PRPH2: variants seen among roughly 807,000 people sequenced by gnomAD.
The protein encoded by PRPH2 is peripherin-2.
PRPH2 carries 17 observed loss-of-function variants against 31.3 expected under a neutral mutation model. The ratio of observed to expected loss-of-function variants is 0.54; its 90% CI spans 0.37 to 0.81. PRPH2 has a LOEUF of 0.81. Ranked by LOEUF, PRPH2 falls within the 40% of genes least tolerant of loss-of-function variation. The probability of loss-of-function intolerance (pLI) is 0.00; values close to 1 mark genes in which losing one functional copy is unlikely to be tolerated. For synonymous variants in PRPH2, 165 were observed against 184.4 expected (o/e 0.89, Z 0.85); for missense variants, 430 against 439.7 (o/e 0.98, Z 0.20).
rs200301978 is a variant in PRPH2 at position 42,705,607 on chromosome 6, T to A, written c.582-996A>T. Among the ~76,000 whole-genome samples, 78 of 13,608 alleles carry A rather than the reference T, an allele frequency of 5.7e-3. 1 individual carries two copies. The highest frequency in any genetic ancestry group is 6.8e-3 in the Non-Finnish European group (50 of 7,350). The allele number at this position is 13,608 out of a possible 152,430, so 8.9% of individuals were successfully genotyped here. Reference sequence around the variant, plus strand: ...AAAAAAAAAAAAAAAAAAATATATATATATATATATATATATATATATATT... The same window carrying A: ...AAAAAAAAAAAAAAAAAAATATATAAATATATATATATATATATATATATT... On this transcript the variant is annotated intron_variant, in intron 1 of 2. Coordinates refer to ENST00000230381, the MANE Select transcript of PRPH2 (RefSeq NM_000322.5).
rs771015384 is a variant in PRPH2 at position 42,698,402 on chromosome 6, C to G, written c.934G>C (p.Val312Leu). 1.2e-6 allele frequency: 2 copies of G among 1,613,752 alleles called. No individual in the cohort carries two copies. The highest frequency in any genetic ancestry group is 1.3e-5 in the African/African-American group (1 of 74,930). The change falls in exon 3 of 3, where the codon GTG becomes CTG. Residue 312 changes from valine to leucine, a missense_variant. Transcript: ENST00000230381. ...ESQGWLLERS[V>L]PETWKAFLES... is the part of the protein sequence containing the mutation. Reference sequence around the variant, plus strand: ...AGAAAGGCCTTCCAGGTCTCCGGCACGCTCCTCTCCAGCAGCCAGCCCTGG... The same window carrying G: ...AGAAAGGCCTTCCAGGTCTCCGGCAGGCTCCTCTCCAGCAGCCAGCCCTGG...
In PRPH2 at chr6:42,696,787, A is replaced by C. The variant is rs904252106; in HGVS notation, c.*1508T>G. The C allele has an allele frequency of 2.6e-5, 4 of 151,924 alleles. 1 individual carries two copies. Among genetic ancestry groups the C allele is most frequent in the Admixed American group, 2.0e-4 (3 of 15,234 alleles). The allele number at this position is 151,924 out of a possible 1,614,324, so 9.4% of individuals were successfully genotyped here. A position where few individuals can be genotyped will look rare whatever the true frequency, so the allele number is the denominator to read the frequency against. The stretch of plus-strand genomic sequence containing the variant: ...TGGATCATTCCTTGGCCTCAACGAG[A>C]TTCAGAAATCTAATTAAACTTGGGA... On this transcript the variant is annotated 3_prime_UTR_variant, in exon 3 of 3. Coordinates refer to ENST00000230381, the MANE Select transcript of PRPH2 (RefSeq NM_000322.5).
intron 1 of PRPH2, among the ~76,000 whole-genome samples, chr6:42,705,434 T>TAG (rs947013702): frequency 5.7e-4 from 87 of 151,330 alleles, no homozygotes; most frequent in African/African-American, 2.0e-3. Context: ...TTAAGATCCG[T>TAG]GCATTTGGCT....
intron 1 of PRPH2, among the ~76,000 whole-genome samples, chr6:42,711,643 G>C (rs893817960): frequency 6.6e-6 from 1 of 152,258 alleles, no homozygotes; most frequent in Non-Finnish European, 1.5e-5. Context: ...ATTTGAAGGG[G>C]AGACACAGCT....
rs1033566735 is a variant in PRPH2, at chr6:42,699,708, G to A, written c.829-1201C>T. ...TCGAGACCAGCCTGGGCAACATAGC[G>A]AGACCTCATCTCTACTAAAAATAAA... On this transcript the variant is annotated intron_variant, in intron 2 of 2. Transcript: ENST00000230381. Among the ~76,000 whole-genome samples the A allele has an allele frequency of 5.9e-5, 9 of 152,242 alleles. No homozygotes were observed. In the South Asian group the frequency reaches 6.2e-4, roughly 11 times the overall value.
chr6:42,698,183 GA>G lies in PRPH2; in HGVS notation c.*111del. The stretch of plus-strand genomic sequence containing the variant: ...CCACCGTCAGGGAGAGTCTCTGTAA[GA>G]TGGTGCCCTCCTTGGGAGATTCAGA... On this transcript the variant is annotated 3_prime_UTR_variant, in exon 3 of 3. Transcript: ENST00000230381. 7.0e-7 allele frequency: 1 copy of G among 1,433,972 alleles called. No individual in the cohort carries two copies. Among genetic ancestry groups the G allele is most frequent in the South Asian group, 1.2e-5 (1 of 80,982 alleles). The allele number at this position is 1,433,972 out of a possible 1,614,324, so 88.8% of individuals were successfully genotyped here.
chr6:42,715,660 G>A (rs142255849), intron 1 of PRPH2, among the ~76,000 whole-genome samples: 5 of 152,260 alleles, frequency 3.3e-5, no homozygotes, highest in South Asian at 2.1e-4. Context: ...GACAGAGTGA[G>A]ACTCCATTTC....
In PRPH2 at chr6:42,721,883, A is replaced by G; in HGVS notation, c.452T>C (p.Phe151Ser). 1 of 1,614,184 alleles carries G rather than the reference A, an allele frequency of 6.2e-7. No homozygotes were observed. Among genetic ancestry groups the G allele is most frequent in the South Asian group, 1.1e-5 (1 of 91,072 alleles). The change falls in exon 1 of 3, where the codon TTC (phenylalanine) becomes TCC (serine). Residue 151 changes from phenylalanine to serine, a missense_variant. Phe to Ser is a radical substitution (Grantham distance 155). Coordinates refer to ENST00000230381, the MANE Select transcript of PRPH2 (RefSeq NM_000322.5). Reference protein sequence around the residue: ...YRDTDTPGRCFMKKTIDMLQI... With the variant: ...YRDTDTPGRCSMKKTIDMLQI... ...CAGCATGTCGATGGTCTTCTTCATG[A>G]AACACCTGCCAGGGGTGTCTGTGTC...
In PRPH2 at chr6:42,697,906, T is replaced by G; in HGVS notation, c.*389A>C. Reference sequence around the variant, plus strand: ...ATAGAGTGAAGCAACATGGAGCTCATAAGAGGTAAATTCTAAAAGGGGAGC... The same window carrying G: ...ATAGAGTGAAGCAACATGGAGCTCAGAAGAGGTAAATTCTAAAAGGGGAGC... On this transcript the variant is annotated 3_prime_UTR_variant, in exon 3 of 3. Transcript: ENST00000230381. 4.4e-6 allele frequency: 1 copy of G among 226,672 alleles called. No homozygotes were observed. Among genetic ancestry groups the G allele is most frequent in the Admixed American group, 5.1e-5 (1 of 19,538 alleles). The allele number at this position is 226,672 out of a possible 1,614,324, so 14.0% of individuals were successfully genotyped here.
Position 42,698,412 on chromosome 6 carries a change from C to G in PRPH2, c.924G>C (p.Leu308=), listed in dbSNP as rs775059514. 6 of 1,613,890 alleles carry G rather than the reference C, an allele frequency of 3.7e-6. No homozygotes were observed. The highest frequency in any genetic ancestry group is 5.1e-6 in the Non-Finnish European group (6 of 1,179,784). The change falls in exon 3 of 3, where the codon CTG becomes CTC. Residue 308 remains leucine, a synonymous_variant. Transcript: ENST00000230381. ...TCCAGGTCTCCGGCACGCTCCTCTC[C>G]AGCAGCCAGCCCTGGCTCTCGCTCT... is the stretch of plus-strand genomic sequence containing the variant. ...ESESESQGWL[L]ERSVPETWKA...
chr6:42,703,699 T>C (rs9471905), intron 2 of PRPH2, among the ~76,000 whole-genome samples: 45,757 of 152,040 alleles, frequency 0.3, 8,378 homozygotes, highest in African/African-American at 0.52. Flanking sequence ...TGAGATTTTC[T>C]TGGGGGCTGA....
chr6:42,698,360 GCTT>G lies in PRPH2; in HGVS notation c.973_975del (p.Lys325del), dbSNP rs1326239760. ...GCTTCCACCTGGTTGCCCTTGCCCAGCTTCTTCACACTCTCCAGAAAGGCCTTC... is the reference window on the plus strand; with the variant it reads ...GCTTCCACCTGGTTGCCCTTGCCCAGCTTCACACTCTCCAGAAAGGCCTTC... On this transcript the variant is annotated inframe_deletion, in exon 3 of 3. Transcript: ENST00000230381. 4.3e-6 allele frequency: 7 copies of G among 1,613,790 alleles called. No homozygotes were observed. The African/African-American group carries it at 6.7e-5, about 15-fold the overall frequency.
chr6:42,716,612 GTTTT>G (rs145765747), intron 1 of PRPH2, among the ~76,000 whole-genome samples: 1 of 111,564 alleles, frequency 9.0e-6, no homozygotes, highest in Admixed American at 1.0e-4. Context: ...GGTTTGGTTG[GTTTT>G]TTTTTTTTTT....
intron 1 of PRPH2, among the ~76,000 whole-genome samples, chr6:42,718,989 T>A (rs1446391468): frequency 6.6e-6 from 1 of 152,090 alleles, no homozygotes; most frequent in African/African-American, 2.4e-5. Flanking sequence ...AGACAAACTT[T>A]GTGGAAAGTT....
intron 2 of PRPH2, among the ~76,000 whole-genome samples, 169 bp downstream of exon 2, chr6:42,704,196 G>A (rs1314414829): frequency 1.3e-5 from 2 of 148,532 alleles, no homozygotes; most frequent in Admixed American, 6.7e-5. Context: ...AATACAAAAG[G>A]TGGAGGCCCT....
rs536292524 is a variant in PRPH2, at chr6:42,706,902, T to A, written c.582-2291A>T. Reference sequence around the variant, plus strand: ...TTTCATTTTTCCTGTTCTTTTTTTATTACTGCAAATTAGAACATTATATAC... The same window carrying A: ...TTTCATTTTTCCTGTTCTTTTTTTAATACTGCAAATTAGAACATTATATAC... On this transcript the variant is annotated intron_variant, in intron 1 of 2. Coordinates refer to ENST00000230381, the MANE Select transcript of PRPH2 (RefSeq NM_000322.5). 1.2e-3 allele frequency among the ~76,000 whole-genome samples: 182 copies of A among 151,170 alleles called. 4 individuals are homozygous for A. The South Asian group carries it at 0.037, about 31-fold the overall frequency.
Position 42,697,294 on chromosome 6 carries a change from G to T in PRPH2, c.*1001C>A, listed in dbSNP as rs45550933. ...ATAGTGTTTTTCAAGATGGGTATCT[G>T]GGGGGAAGAAACGGAAGAAGCTCCC... is the stretch of plus-strand genomic sequence containing the variant. On this transcript the variant is annotated 3_prime_UTR_variant, in exon 3 of 3. Transcript: ENST00000230381. The T allele has an allele frequency of 0.23, 34,451 of 152,170 alleles. 3,956 individuals carry two copies. The highest frequency in any genetic ancestry group is 0.26 in the Middle Eastern group (75 of 294). The allele number at this position is 152,170 out of a possible 1,614,324, so 9.4% of individuals were successfully genotyped here. A position where few individuals can be genotyped will look rare whatever the true frequency, so the allele number is the denominator to read the frequency against.
At chr6:42,702,462 G>A (rs960038739) in intron 2 of PRPH2, among the ~76,000 whole-genome samples, 39 of 151,330 alleles carry the variant, frequency 2.6e-4, no homozygotes, top group African/African-American at 8.7e-4. Flanking sequence ...TGGATTTTCT[G>A]CTCTCAAGGT....
intron 2 of PRPH2, among the ~76,000 whole-genome samples, chr6:42,699,528 T>C (rs1800012007): frequency 6.6e-6 from 1 of 152,096 alleles, no homozygotes; most frequent in South Asian, 2.1e-4. Context: ...ATTCATCCGG[T>C]TTGCAGATTT....
Sources: allele counts gnomAD v4.1 joint callset (sites outside exome capture counted in the v4.1 genomes callset), GRCh38; gene constraint gnomAD v4.1.1; transcripts MANE v1.5; gene names NCBI Gene and HGNC (gene_info 2026-07-23, HGNC 2026-07-21).